PLAA: variants seen among roughly 807,000 people sequenced by gnomAD.
The protein encoded by PLAA is phospholipase A-2-activating protein.
PLAA carries 48 observed loss-of-function variants against 84.1 expected under a neutral mutation model. The ratio of observed to expected loss-of-function variants is 0.57; its 90% CI spans 0.45 to 0.73. The LOEUF is 0.73. Among genes scored for constraint, PLAA ranks in the 30% least tolerant of loss-of-function variants. The probability of loss-of-function intolerance (pLI) is 0.00; values close to 1 mark genes in which losing one functional copy is unlikely to be tolerated. For synonymous variants in PLAA, 392 were observed against 336.6 expected (o/e 1.16, Z -1.80); for missense variants, 903 against 954.7 (o/e 0.95, Z 0.71).
intron 10 of PLAA, among the ~76,000 whole-genome samples, chr9:26,915,190 CAAG>C (rs751072781): frequency 1.4e-5 from 2 of 143,546 alleles, no homozygotes; most frequent in African/African-American, 2.6e-5. Context: ...CCAGCCTGGG[CAAG>C]AAGAACAAAA....
At chr9:26,928,279 T>C in intron 3 of PLAA, 29 bp downstream of exon 3, 1 of 1,613,940 alleles carries the variant, frequency 6.2e-7, no homozygotes, top group Non-Finnish European at 8.5e-7. Flanking sequence ...TTAATTATTC[T>C]TTAGAATATT....
At chr9:26,923,095 C>G (rs1206817433) in intron 7 of PLAA, 83 bp downstream of exon 7, 1 of 1,021,640 alleles carries the variant, frequency 9.8e-7, no homozygotes, top group African/African-American at 1.6e-5. Context: ...AAAACACAAG[C>G]AAAACAACAT....
rs528250543 is a variant in PLAA at position 26,925,257 on chromosome 9, T to C, written c.869+568A>G. On this transcript the variant is annotated intron_variant, in intron 6 of 13. Coordinates refer to ENST00000397292, the MANE Select transcript of PLAA (RefSeq NM_001031689.3). ...TTCATAAGTTCTGCTTCAATCCTAT[T>C]TCTTGCTCAAGAACTACAACCCTTC... Among the ~76,000 whole-genome samples, 106 of 152,326 alleles carry C rather than the reference T, an allele frequency of 7.0e-4. 1 individual carries two copies. In the South Asian group the frequency reaches 0.021, roughly 31 times the overall value.
At chr9:26,942,877 C>CAAAAAA (rs34134451) in intron 1 of PLAA, among the ~76,000 whole-genome samples, 710 of 51,186 alleles carry the variant, frequency 0.014, 30 homozygotes, top group Middle Eastern at 0.045. Context: ...AGACTCGTCT[C>CAAAAAA]AAAAAAAAAA....
chr9:26,917,137 C>G lies in PLAA; in HGVS notation c.1446G>C (p.Ser482=), dbSNP rs764801859. The change falls in exon 10 of 14, where the codon TCG becomes TCC. Residue 482 remains serine (S), a synonymous_variant. Coordinates refer to ENST00000397292, the MANE Select transcript of PLAA (RefSeq NM_001031689.3). ...CTGTGGGTAGTGTGTTAGAAGATCCCGAAGAGCCCGGAACATACCGACCAC... is the reference window on the plus strand; with the variant it reads ...CTGTGGGTAGTGTGTTAGAAGATCCGGAAGAGCCCGGAACATACCGACCAC... The part of the protein sequence containing the change: ...TGGGRYVPGS[S]GSSNTLPTAD... The G allele has an allele frequency of 1.2e-6, 2 of 1,613,774 alleles. No individual in the cohort carries two copies. The highest frequency in any genetic ancestry group is 1.7e-6 in the Non-Finnish European group (2 of 1,179,858).
intron 9 of PLAA, 53 bp downstream of exon 9, chr9:26,919,257 A>C (rs1824673745): frequency 5.3e-6 from 6 of 1,138,860 alleles, no homozygotes; most frequent in Non-Finnish European, 7.6e-6. Context: ...ACATCAAAAA[A>C]ATCAATCAAC....
chr9:26,907,823 T>C lies in PLAA; in HGVS notation c.1822+11A>G, dbSNP rs371681930. On this transcript the variant is annotated intron_variant, in intron 13 of 13. Transcript: ENST00000397292. Reference sequence around the variant, plus strand: ...GCTTTCTGGTTACATTTTTGAAGAGTGTTTATTTACCTTCAGGACAGTTAA... The same window carrying C: ...GCTTTCTGGTTACATTTTTGAAGAGCGTTTATTTACCTTCAGGACAGTTAA... The C allele has an allele frequency of 3.1e-6, 5 of 1,587,584 alleles. No individual in the cohort carries two copies. The highest frequency in any genetic ancestry group is 4.3e-6 in the Non-Finnish European group (5 of 1,172,566).
rs1426770952 is a variant in PLAA, at chr9:26,903,559, T to C, written c.*1952A>G. Among the ~76,000 whole-genome samples, 2 of 152,324 alleles carry C rather than the reference T, an allele frequency of 1.3e-5. No homozygotes were observed. The highest frequency in any genetic ancestry group is 3.9e-4 in the East Asian group (2 of 5,192). ...AGATAGTGGCCTTACAGGCAATTTT[T>C]ATTTGGGGTGTGTGTGTTTTACTCA... On this transcript the variant is annotated 3_prime_UTR_variant, in exon 14 of 14. Coordinates refer to ENST00000397292, the MANE Select transcript of PLAA (RefSeq NM_001031689.3).
chr9:26,946,851 GGGAAGC>G (rs1238032877), intron 1 of PLAA, 40 bp downstream of exon 1: 1 of 1,525,886 alleles, frequency 6.6e-7, no homozygotes, highest in Non-Finnish European at 8.8e-7. Context: ...TCCACTCTCC[GGGAAGC>G]GTGCAACACA....
intron 10 of PLAA, chr9:26,916,274 T>C: frequency 1.0e-5 from 10 of 985,430 alleles, no homozygotes; most frequent in Non-Finnish European, 1.2e-5. Context: ...CGCTATGATC[T>C]CTTCCCAAAC....
At chr9:26,910,197 G>A in intron 12 of PLAA, 141 bp downstream of exon 12, 1 of 580,592 alleles carries the variant, frequency 1.7e-6, no homozygotes, top group Non-Finnish European at 3.1e-6. Flanking sequence ...ATTTGTGGTG[G>A]ACACAGTTGT....
chr9:26,939,048 A>T (rs1336021378), intron 1 of PLAA, among the ~76,000 whole-genome samples: 1 of 152,190 alleles, frequency 6.6e-6, no homozygotes, highest in Non-Finnish European at 1.5e-5. Flanking sequence ...TGGTAAACAC[A>T]CACAAAAATA....
chr9:26,929,931 G>A (rs528776863), intron 2 of PLAA, among the ~76,000 whole-genome samples: 2 of 152,198 alleles, frequency 1.3e-5, no homozygotes, highest in South Asian at 4.2e-4. Context: ...TCCTCCATTT[G>A]AAGTTAGGCA....
At chr9:26,908,458 G>A (rs1314728698) in intron 12 of PLAA, among the ~76,000 whole-genome samples, 6 of 149,358 alleles carry the variant, frequency 4.0e-5, no homozygotes, top group Non-Finnish European at 7.4e-5. Flanking sequence ...GAGCCACCAC[G>A]CCTGGCCTTA....
chr9:26,911,061 T>A (rs1015200485), intron 11 of PLAA, among the ~76,000 whole-genome samples: 2 of 152,082 alleles, frequency 1.3e-5, no homozygotes, highest in Non-Finnish European at 2.9e-5. Context: ...CTTTTTTTTT[T>A]AAGTATTTTA....
At position 26,936,476 on chromosome 9, in the gene PLAA, G is replaced by A. The variant is rs116474588; in HGVS notation, c.150-1270C>T. 9.9e-3 allele frequency among the ~76,000 whole-genome samples: 1,504 copies of A among 152,316 alleles called. 24 individuals carry two copies. Among genetic ancestry groups the A allele is most frequent in the African/African-American group, 0.034 (1,407 of 41,576 alleles). On this transcript the variant is annotated intron_variant, in intron 1 of 13. Transcript: ENST00000397292. ...ATGGCACTGGCAGAATCTGTCTGAT[G>A]TAACTATTATGAAACTTTGCAGTCA... is the stretch of plus-strand genomic sequence containing the variant.
Position 26,905,667 on chromosome 9 carries a change from T to C in PLAA, c.2232A>G (p.Arg744=), listed in dbSNP as rs1824206829. ...EVVQDLEATF[R]LLVALGTLIS... ...TAAGTGTTCCAAGAGCCACAAGAAG[T>C]CTAAAAGTGGCTTCTAGGTCTTGTA... Residue 744 remains arginine (R), a synonymous_variant, in exon 14 of 14, where the codon AGA becomes AGG. Transcript: ENST00000397292. 3 of 1,614,200 alleles carry C rather than the reference T, an allele frequency of 1.9e-6. No homozygotes were observed. In the East Asian group the frequency reaches 6.7e-5, roughly 36 times the overall value.
At chr9:26,941,714 C>A (rs931218449) in intron 1 of PLAA, among the ~76,000 whole-genome samples, 2 of 148,246 alleles carry the variant, frequency 1.3e-5, no homozygotes, top group Non-Finnish European at 3.0e-5. Flanking sequence ...GAAACAAGGA[C>A]ATAATTTCAC....
chr9:26,936,062 C>G (rs962195059), intron 1 of PLAA, among the ~76,000 whole-genome samples: 1 of 151,988 alleles, frequency 6.6e-6, no homozygotes, highest in African/African-American at 2.4e-5. Flanking sequence ...AATTATATCC[C>G]TGACTCAGCT....
Sources: gnomAD v4.1 joint callset for allele counts (sites outside exome capture counted in the v4.1 genomes callset) on GRCh38, gnomAD v4.1.1 for gene constraint, MANE v1.5 for transcripts, NCBI Gene and HGNC (gene_info 2026-07-23, HGNC 2026-07-21) for gene names.